PLCD3: variants seen among roughly 807,000 people sequenced by gnomAD.
PLCD3 encodes the protein 1-phosphatidylinositol 4,5-bisphosphate phosphodiesterase delta-3.
A neutral mutation model predicts 82.8 loss-of-function variants in PLCD3; 62 were observed. The ratio of observed to expected loss-of-function variants is 0.75; its 90% CI spans 0.61 to 0.93. The LOEUF is 0.93. PLCD3 is among the 40% of genes least tolerant of loss of function. PLCD3 has a pLI of 0.00. For synonymous variants in PLCD3, 478 were observed against 471.8 expected (o/e 1.01, Z -0.17); for missense variants, 1,023 against 1,103.4 (o/e 0.93, Z 1.03).
At position 45,116,737 on chromosome 17, in the gene PLCD3, C is replaced by T. The variant is rs1312790802; in HGVS notation, c.1308G>A (p.Leu436=). ...GGCGGGCCATGGCAGCCTGCTGCTC[C>T]AGCCCGCAGTGGTTCTCCAGGGATA... is the stretch of plus-strand genomic sequence containing the variant. The part of the protein sequence containing the change: ...VILSLENHCG[L]EQQAAMARHL... The change falls in exon 8 of 15, where the codon CTG becomes CTA. Residue 436 remains leucine, a synonymous_variant. Coordinates refer to ENST00000619929, the MANE Select transcript of PLCD3 (RefSeq NM_133373.5). The T allele has an allele frequency of 6.2e-7, 1 of 1,609,650 alleles. No homozygotes were observed. Among genetic ancestry groups the T allele is most frequent in the South Asian group, 1.1e-5 (1 of 90,698 alleles).
chr17:45,117,740 T>G (rs140281834), intron 7 of PLCD3, among the ~76,000 whole-genome samples: 2 of 152,318 alleles, frequency 1.3e-5, no homozygotes, highest in East Asian at 3.9e-4. Context: ...CCCAAAGGTT[T>G]TCTTCTGGAA....
At position 45,115,401 on chromosome 17, in the gene PLCD3, C is replaced by T. The variant is rs1170174711; in HGVS notation, c.1503G>A (p.Glu501=). ...CTTCTTCCTCCTCGTCATCCTCCTC[C>T]TCCTCCTCCCGATCCGACAGAGCCC... ...DGRALSDREE[E]EEDDEEEEEE... Residue 501 remains glutamate, a synonymous_variant, in exon 9 of 15, where the codon GAG becomes GAA. Coordinates refer to ENST00000619929, the MANE Select transcript of PLCD3 (RefSeq NM_133373.5). 6.2e-7 allele frequency: 1 copy of T among 1,610,214 alleles called. No homozygotes were observed. Among genetic ancestry groups the T allele is most frequent in the Non-Finnish European group, 8.5e-7 (1 of 1,178,874 alleles).
Position 45,114,304 on chromosome 17 carries a change from T to C in PLCD3, c.1774A>G (p.Met592Val). 1 of 1,549,076 alleles carries C rather than the reference T, an allele frequency of 6.5e-7. No homozygotes were observed. The highest frequency in any genetic ancestry group is 1.2e-5 in the South Asian group (1 of 83,770). ...TGGGGACTGTAGTTGGCTGAGTTCA[T>C]CCGCAGCCCCAGCGGGTACACGCGG... is the stretch of plus-strand genomic sequence containing the variant. ...LTRVYPLGLR[M>V]NSANYSPQEM... is the part of the protein sequence containing the mutation. Residue 592 changes from methionine (M) to valine (V), a missense_variant, in exon 11 of 15, where the codon ATG (methionine) becomes GTG (valine). Physicochemically the swap from Met to Val is conservative, Grantham distance 21. Around this residue, in one of 3 missense-constraint regions of PLCD3, gnomAD observed 553 missense variants for 655.7 expected, o/e 0.84. Coordinates refer to ENST00000619929, the MANE Select transcript of PLCD3 (RefSeq NM_133373.5).
chr17:45,116,425 G>GT (rs983674706), intron 8 of PLCD3, among the ~76,000 whole-genome samples: 1 of 149,310 alleles, frequency 6.7e-6, no homozygotes, highest in African/African-American at 2.6e-5. Flanking sequence ...GTGTGTGTGT[G>GT]GGGGGGTCTA....
chr17:45,119,115 A>G, intron 4 of PLCD3, 72 bp from the exon 5 acceptor site: 1 of 1,167,668 alleles, frequency 8.6e-7, no homozygotes. Flanking sequence ...CCCATCTGTC[A>G]TCTACCACAT....
rs1317093399 is a variant in PLCD3, at chr17:45,109,277, A to C, written c.*3339T>G. 3 of 152,306 alleles carry C rather than the reference A, an allele frequency of 2.0e-5. No individual in the cohort carries two copies. Among genetic ancestry groups the C allele is most frequent in the Non-Finnish European group, 4.4e-5 (3 of 68,108 alleles). 9.4% of individuals were successfully genotyped at this position (152,306 alleles called of 1,614,324 possible). A position where few individuals can be genotyped will look rare whatever the true frequency, so the allele number is the denominator to read the frequency against. ...TAGAGCAGCAACTGGGCTCTCAGCC[A>C]GCACCTGAGCACCTCAGCACAGGAG... is the stretch of plus-strand genomic sequence containing the variant. On this transcript the variant is annotated 3_prime_UTR_variant, in exon 15 of 15. Coordinates refer to ENST00000619929, the MANE Select transcript of PLCD3 (RefSeq NM_133373.5).
In PLCD3 at chr17:45,112,626, T is replaced by C; in HGVS notation, c.2360A>G (p.Gln787Arg). Residue 787 changes from glutamine (Q) to arginine (R), a missense_variant, in exon 15 of 15, where the codon CAG becomes CGG. By Grantham distance (43) the Gln-to-Arg change is conservative. Coordinates refer to ENST00000619929, the MANE Select transcript of PLCD3 (RefSeq NM_133373.5). ...GAGTGAGGTGGGCCCTCAGGAGCGC[T>C]GGATGCGGATTTGGATGAAGAGCGT... ...PATLFIQIRIQRS is the reference protein window; with the variant it reads ...PATLFIQIRIRRS 1 of 1,602,080 alleles carries C rather than the reference T, an allele frequency of 6.2e-7. No homozygotes were observed. Among genetic ancestry groups the C allele is most frequent in the Non-Finnish European group, 8.5e-7 (1 of 1,174,758 alleles).
At chr17:45,125,397 G>C (rs933699082) in intron 1 of PLCD3, among the ~76,000 whole-genome samples, 1 of 151,770 alleles carries the variant, frequency 6.6e-6, no homozygotes, top group East Asian at 2.0e-4. Flanking sequence ...TCAGGAGTTC[G>C]AGACCAGCCT....
chr17:45,127,612 G>A (rs1165356925), intron 1 of PLCD3, among the ~76,000 whole-genome samples: 1 of 152,226 alleles, frequency 6.6e-6, no homozygotes, highest in Non-Finnish European at 1.5e-5. Flanking sequence ...CCCAGGCAGG[G>A]ATGGATATAG....
Position 45,113,422 on chromosome 17 carries a change from C to T in PLCD3, c.1995+17G>A, listed in dbSNP as rs558819916. 10 of 1,582,216 alleles carry T rather than the reference C, an allele frequency of 6.3e-6. No individual in the cohort carries two copies. Among genetic ancestry groups the T allele is most frequent in the Admixed American group, 3.7e-5 (2 of 54,792 alleles). ...ACCAGTCTGACCCCACACTGGGGCC[C>T]GTTCCAGCCTGCTGACCTGGATGCT... is the stretch of plus-strand genomic sequence containing the variant. On this transcript the variant is annotated intron_variant, in intron 12 of 14. Transcript: ENST00000619929.
At chr17:45,114,974 C>T in intron 10 of PLCD3, 120 bp downstream of exon 10, 1 of 1,385,352 alleles carries the variant, frequency 7.2e-7, no homozygotes, top group Non-Finnish European at 9.6e-7. Flanking sequence ...AGCCCAGCCC[C>T]TCTTTGGGGT....
chr17:45,120,649 C>T (rs190121367), intron 3 of PLCD3, among the ~76,000 whole-genome samples, 195 bp from the exon 4 acceptor site: 1 of 152,276 alleles, frequency 6.6e-6, no homozygotes, highest in Non-Finnish European at 1.5e-5. Flanking sequence ...GACAGGAGGC[C>T]CTGTCTTCAC....
In PLCD3 at chr17:45,113,451, AGT is replaced by A. The variant is rs2054265183; in HGVS notation, c.1981_1982del (p.Thr661SerfsTer30). ...DPEYPGPPRTTLSIQVLTAQQ... is the reference protein window; with the variant it reads ...DPEYPGPPRTXLSIQVLTAQQ... ...CCAGCCTGCTGACCTGGATGCTGAG[AGT>A]GGTTCTGGGAGGTCCTGGGTACTCG... On this transcript the variant is annotated frameshift_variant, in exon 12 of 15. Coordinates refer to ENST00000619929, the MANE Select transcript of PLCD3 (RefSeq NM_133373.5). LOFTEE classifies it high-confidence loss of function. The A allele has an allele frequency of 2.5e-6, 4 of 1,594,478 alleles. No individual in the cohort carries two copies. The highest frequency in any genetic ancestry group is 3.4e-6 in the Non-Finnish European group (4 of 1,170,626).
intron 1 of PLCD3, among the ~76,000 whole-genome samples, chr17:45,129,564 C>T (rs572734387): frequency 8.5e-5 from 13 of 152,290 alleles, no homozygotes; most frequent in South Asian, 2.1e-4. Context: ...TGGCCTTGGG[C>T]GGTGATTTCA....
At chr17:45,125,260 C>T (rs546912253) in intron 1 of PLCD3, among the ~76,000 whole-genome samples, 6 of 151,748 alleles carry the variant, frequency 4.0e-5, no homozygotes, top group Admixed American at 2.0e-4. Context: ...GCAAGGAGTT[C>T]GAGACCAGCC....
chr17:45,123,956 AC>A (rs33990992), intron 1 of PLCD3, among the ~76,000 whole-genome samples: 14 of 129,340 alleles, frequency 1.1e-4, no homozygotes, highest in African/African-American at 2.4e-4. Context: ...GGCTCACCAG[AC>A]CCCCCCCCCA....
At chr17:45,117,968 T>A (rs970038319) in intron 7 of PLCD3, 26 bp downstream of exon 7, 3 of 1,611,522 alleles carry the variant, frequency 1.9e-6, no homozygotes, top group East Asian at 2.2e-5. Flanking sequence ...GCTGTGGGGC[T>A]GGGGCTGGGC....
intron 1 of PLCD3, among the ~76,000 whole-genome samples, chr17:45,127,686 G>A (rs534293300): frequency 2.0e-5 from 3 of 152,280 alleles, no homozygotes; most frequent in East Asian, 3.9e-4. Flanking sequence ...CTGTCCAGGC[G>A]TGTCCCGGAG....
intron 4 of PLCD3, among the ~76,000 whole-genome samples, chr17:45,119,845 G>C (rs1451780262): frequency 6.9e-6 from 1 of 144,718 alleles, no homozygotes; most frequent in Non-Finnish European, 1.6e-5. Context: ...TGCACACAGA[G>C]GTCTGCCATG....
Sources: gnomAD v4.1 joint callset for allele counts (sites outside exome capture counted in the v4.1 genomes callset) on GRCh38, gnomAD v4.1.1 for gene constraint, gnomAD v4.1.1 regional missense constraint, MANE v1.5 for transcripts, NCBI Gene and HGNC (gene_info 2026-07-23, HGNC 2026-07-21) for gene names.